The following KCNG2 variants were observed in gnomAD, a reference collection of about 807,000 sequenced individuals.
KCNG2 encodes the protein potassium voltage-gated channel modifier subfamily G member 2.
Under a neutral mutation model 12.3 loss-of-function variants are expected in KCNG2, and 7 were observed. The observed-to-expected ratio is 0.57, with a 90% CI of 0.32 to 1.07. The LOEUF (loss-of-function observed/expected upper bound fraction) is 1.07. Among genes scored for constraint, KCNG2 ranks in the 50% least tolerant of loss-of-function variants. The probability of loss-of-function intolerance (pLI) is 0.04; values close to 1 mark genes in which losing one functional copy is unlikely to be tolerated. For missense variants in KCNG2, 703 were observed against 726.0 expected (o/e 0.97, Z 0.36); for synonymous variants, 414 against 351.4 (o/e 1.18, Z -1.99).
At chr18:79,826,120 G>A (rs189732444) in intron 1 of KCNG2, among the ~76,000 whole-genome samples, 256 of 152,380 alleles carry the variant, frequency 1.7e-3, no homozygotes, top group African/African-American at 5.9e-3. Context: ...CACTGTGGGC[G>A]ACAGGAAGGG....
At chr18:79,829,866 TCTAA>T (rs1354923602) in intron 1 of KCNG2, among the ~76,000 whole-genome samples, 1 of 152,222 alleles carries the variant, frequency 6.6e-6, no homozygotes, top group African/African-American at 2.4e-5. Flanking sequence ...CTCCCATCTG[TCTAA>T]CTTGTTAGGA....
intron 1 of KCNG2, among the ~76,000 whole-genome samples, chr18:79,819,608 G>C (rs1226013275): frequency 6.6e-6 from 1 of 152,212 alleles, no homozygotes; most frequent in South Asian, 2.1e-4. Context: ...TGAGCTGAGC[G>C]CTCAGCCAAG....
intron 2 of KCNG2, among the ~76,000 whole-genome samples, chr18:79,861,862 T>C (rs576540670): frequency 6.6e-6 from 1 of 152,376 alleles, no homozygotes; most frequent in East Asian, 1.9e-4. Flanking sequence ...TAGCATGAAA[T>C]GATGTATCTC....
At chr18:79,851,482 C>A (rs1978813610) in intron 1 of KCNG2, among the ~76,000 whole-genome samples, 1 of 152,172 alleles carries the variant, frequency 6.6e-6, no homozygotes, top group Non-Finnish European at 1.5e-5. Flanking sequence ...GGCTGGAGCG[C>A]CTCCGACACT....
intron 1 of KCNG2, among the ~76,000 whole-genome samples, chr18:79,814,394 G>A (rs1039793215): frequency 9.2e-5 from 14 of 152,200 alleles, no homozygotes; most frequent in Admixed American, 2.6e-4. Flanking sequence ...TCTGTACTGC[G>A]GAATACTCTC....
chr18:79,899,661 A>G lies in KCNG2; in HGVS notation c.1246A>G (p.Lys416Glu). 1 of 1,607,436 alleles carries G rather than the reference A, an allele frequency of 6.2e-7. No individual in the cohort carries two copies. The highest frequency in any genetic ancestry group is 8.5e-7 in the Non-Finnish European group (1 of 1,177,674). ...CTTTTCGCGCTCCTACTCCGAGCTC[A>G]AGGAGCAGCAGCAGCGCGCGGCCAG... is the stretch of plus-strand genomic sequence containing the variant. ...HTFSRSYSEL[K>E]EQQQRAASPE... The change falls in exon 4 of 4, where the codon AAG becomes GAG. Residue 416 changes from lysine to glutamate, a missense_variant. Coordinates refer to ENST00000316249, the MANE Select transcript of KCNG2 (RefSeq NM_012283.2).
intron 3 of KCNG2, among the ~76,000 whole-genome samples, chr18:79,867,495 G>T (rs1216129540): frequency 8.5e-6 from 1 of 117,510 alleles, no homozygotes; most frequent in Non-Finnish European, 1.8e-5. Context: ...GTGTCTGGGG[G>T]GGGGATCGTG....
intron 1 of KCNG2, among the ~76,000 whole-genome samples, chr18:79,818,131 G>A (rs1037933314): frequency 6.6e-6 from 1 of 152,242 alleles, no homozygotes; most frequent in Non-Finnish European, 1.5e-5. Context: ...CACAGAGGGT[G>A]GGTGTGGTGC....
intron 3 of KCNG2, among the ~76,000 whole-genome samples, chr18:79,895,630 C>T (rs1980941796): frequency 6.7e-6 from 1 of 149,956 alleles, no homozygotes; most frequent in African/African-American, 2.5e-5. Flanking sequence ...ATAGTTGAGT[C>T]TGTGTCTGCT....
At chr18:79,867,950 G>A (rs12970264) in intron 3 of KCNG2, among the ~76,000 whole-genome samples, 52,116 of 152,006 alleles carry the variant, frequency 0.34, 10,549 homozygotes, top group Non-Finnish European at 0.44. Flanking sequence ...GTGCCAATCT[G>A]ACTTAAATAC....
At chr18:79,859,491 G>A (rs1194931570) in intron 2 of KCNG2, among the ~76,000 whole-genome samples, 1 of 152,180 alleles carries the variant, frequency 6.6e-6, no homozygotes, top group Non-Finnish European at 1.5e-5. Flanking sequence ...GTGCCAGGCG[G>A]GTTCAACAGC....
intron 1 of KCNG2, among the ~76,000 whole-genome samples, chr18:79,802,119 C>T (rs1272653996): frequency 6.6e-6 from 1 of 152,242 alleles, no homozygotes; most frequent in Non-Finnish European, 1.5e-5. Context: ...GCATTTCATA[C>T]ACTGTGCAGT....
rs747671179 is a variant in KCNG2 at position 79,899,692 on chromosome 18, A to C, written c.1277A>C (p.Glu426Ala). 1.2e-6 allele frequency: 2 copies of C among 1,607,648 alleles called. No individual in the cohort carries two copies. Among genetic ancestry groups the C allele is most frequent in the Non-Finnish European group, 1.7e-6 (2 of 1,178,130 alleles). Residue 426 changes from glutamate (E) to alanine (A), a missense_variant, in exon 4 of 4, where the codon GAG becomes GCG. By Grantham distance (107) the Glu-to-Ala change is moderately radical. Transcript: ENST00000316249. ...KEQQQRAASPEPALQEDSTHS... is the reference protein window; with the variant it reads ...KEQQQRAASPAPALQEDSTHS... ...CAGCAGCAGCGCGCGGCCAGCCCCG[A>C]GCCGGCCCTGCAGGAGGACAGCACG...
At chr18:79,893,150 C>A (rs1168800642) in intron 3 of KCNG2, among the ~76,000 whole-genome samples, 3 of 151,784 alleles carry the variant, frequency 2.0e-5, no homozygotes, top group African/African-American at 7.3e-5. Context: ...CCATTCACAT[C>A]TAATGTTATG....
intron 3 of KCNG2, among the ~76,000 whole-genome samples, chr18:79,870,283 G>T (rs141268061): frequency 6.6e-6 from 1 of 152,248 alleles, no homozygotes; most frequent in Non-Finnish European, 1.5e-5. Context: ...GGCAGGGAGC[G>T]GTGTCTTCTG....
intron 2 of KCNG2, among the ~76,000 whole-genome samples, chr18:79,863,220 A>C (rs1351515296): frequency 1.3e-5 from 2 of 152,232 alleles, no homozygotes; most frequent in African/African-American, 2.4e-5. Context: ...CGCGGGACAC[A>C]CCGTGAGAAA....
intron 3 of KCNG2, among the ~76,000 whole-genome samples, chr18:79,877,065 C>T (rs1980103287): frequency 6.6e-6 from 1 of 152,210 alleles, no homozygotes; most frequent in East Asian, 1.9e-4. Context: ...GCCTGTTGTG[C>T]TGTTTTGAAA....
At chr18:79,872,112 G>A (rs900077276) in intron 3 of KCNG2, among the ~76,000 whole-genome samples, 5 of 151,950 alleles carry the variant, frequency 3.3e-5, no homozygotes, top group Non-Finnish European at 5.9e-5. Context: ...GGCAGGGCCT[G>A]GAAACTCCAT....
At chr18:79,821,479 G>A (rs1453374861) in intron 1 of KCNG2, among the ~76,000 whole-genome samples, 10 of 151,960 alleles carry the variant, frequency 6.6e-5, no homozygotes, top group African/African-American at 2.2e-4. Flanking sequence ...TAGTAGAGAC[G>A]GGGTTTCACC....
Sources: gnomAD v4.1 joint callset for allele counts (sites outside exome capture counted in the v4.1 genomes callset) on GRCh38, gnomAD v4.1.1 for gene constraint, MANE v1.5 for transcripts, NCBI Gene and HGNC (gene_info 2026-07-23, HGNC 2026-07-21) for gene names.